Variants in DLGAP4 observed in about 807,000 individuals in gnomAD.
DLGAP4 encodes disks large-associated protein 4.
DLGAP4 carries 18 observed loss-of-function variants against 86.9 expected under a neutral mutation model. That is an observed-to-expected ratio of 0.21 (90% CI 0.14 to 0.31). The LOEUF is 0.31. DLGAP4 is among the 10% of genes least tolerant of loss of function. The pLI is 1.00. For missense variants in DLGAP4, 1,085 were observed against 1,362.6 expected (o/e 0.80, Z 3.21); for synonymous variants, 548 against 574.3 (o/e 0.95, Z 0.65).
At chr20:36,412,298 G>A (rs925718395) in intron 2 of DLGAP4, among the ~76,000 whole-genome samples, 1 of 152,250 alleles carries the variant, frequency 6.6e-6, no homozygotes, top group African/African-American at 2.4e-5. Flanking sequence ...AGGCTAGAGG[G>A]CAGGGCAGCA....
intron 7 of DLGAP4, chr20:36,461,500 G>A: frequency 1.0e-6 from 1 of 982,542 alleles, no homozygotes; most frequent in Non-Finnish European, 1.2e-6. Flanking sequence ...CGGGCTGCGT[G>A]AGGGAGGAGG....
At chr20:36,420,221 T>C (rs929939644) in intron 2 of DLGAP4, among the ~76,000 whole-genome samples, 2 of 152,226 alleles carry the variant, frequency 1.3e-5, no homozygotes, top group Non-Finnish European at 1.5e-5. Context: ...AGCCCCGTGC[T>C]GGATGCTGGA....
At chr20:36,332,146 C>T (rs1414664619) in intron 1 of DLGAP4, among the ~76,000 whole-genome samples, 1 of 151,996 alleles carries the variant, frequency 6.6e-6, no homozygotes, top group Non-Finnish European at 1.5e-5. Flanking sequence ...AAGGGATGCC[C>T]AGGAGAAGGC....
chr20:36,510,570 C>G (rs1275637737), intron 10 of DLGAP4, among the ~76,000 whole-genome samples: 1 of 150,866 alleles, frequency 6.6e-6, no homozygotes, highest in Admixed American at 6.6e-5. Context: ...TGGCTGACTC[C>G]TGGCTAATTT....
chr20:36,363,166 G>T (rs1197309740), intron 1 of DLGAP4, among the ~76,000 whole-genome samples: 2 of 152,170 alleles, frequency 1.3e-5, no homozygotes, highest in Non-Finnish European at 2.9e-5. Flanking sequence ...ACGTGCAAAG[G>T]CCCTGAGCTA....
intron 10 of DLGAP4, among the ~76,000 whole-genome samples, chr20:36,512,107 G>A (rs1211628065): frequency 1.4e-5 from 2 of 142,224 alleles, no homozygotes; most frequent in Non-Finnish European, 3.0e-5. Context: ...CTAGAGTGCA[G>A]TGGCGTGATC....
chr20:36,437,542 T>G, intron 4 of DLGAP4, among the ~76,000 whole-genome samples: 1 of 152,086 alleles, frequency 6.6e-6, no homozygotes, highest in East Asian at 1.9e-4. Context: ...GGGAGGTGAA[T>G]CCAGAAGCCA....
At chr20:36,376,734 G>A (rs566947924) in intron 2 of DLGAP4, among the ~76,000 whole-genome samples, 3 of 152,276 alleles carry the variant, frequency 2.0e-5, no homozygotes, top group Non-Finnish European at 2.9e-5. Context: ...CAGGGACCTC[G>A]TCAGCTTCGT....
chr20:36,363,365 T>G (rs2030583214), intron 1 of DLGAP4, among the ~76,000 whole-genome samples: 1 of 152,204 alleles, frequency 6.6e-6, no homozygotes, highest in Admixed American at 6.5e-5. Flanking sequence ...ATAGCAGCTT[T>G]ATACTCCTTG....
intron 7 of DLGAP4, among the ~76,000 whole-genome samples, chr20:36,449,588 G>A (rs891109891): frequency 6.6e-6 from 1 of 152,180 alleles, no homozygotes; most frequent in Non-Finnish European, 1.5e-5. Context: ...CTCTGCTACA[G>A]TTCCAAAGGG....
At chr20:36,510,423 C>G (rs978525456) in intron 10 of DLGAP4, among the ~76,000 whole-genome samples, 3 of 152,076 alleles carry the variant, frequency 2.0e-5, no homozygotes, top group African/African-American at 7.2e-5. Flanking sequence ...GCAACCACAC[C>G]TGGCTAATTT....
At chr20:36,461,576 G>C in intron 7 of DLGAP4, 1 of 960,630 alleles carries the variant, frequency 1.0e-6, no homozygotes, top group Non-Finnish European at 1.2e-6. Flanking sequence ...CCACGTCGTC[G>C]CTGCCGCCTC....
intron 7 of DLGAP4, among the ~76,000 whole-genome samples, chr20:36,468,521 C>T (rs756523472): frequency 5.9e-5 from 9 of 152,218 alleles, no homozygotes; most frequent in Admixed American, 6.5e-5. Flanking sequence ...CCGAGGCCTC[C>T]CAGCCAATCA....
chr20:36,526,824 A>G lies in DLGAP4; in HGVS notation c.2772A>G (p.Lys924=), dbSNP rs771640274. 6.2e-7 allele frequency: 1 copy of G among 1,601,744 alleles called. No homozygotes were observed. ...CTGTCTCACTAAAGGAAGAGAAGAAACCACCCCCTCCGGTCCCAAAGAAGC... is the reference window on the plus strand; with the variant it reads ...CTGTCTCACTAAAGGAAGAGAAGAAGCCACCCCCTCCGGTCCCAAAGAAGC... The part of the protein sequence containing the change: ...ETPEKRKEEK[K]PPPPVPKKPA... The change falls in exon 13 of 13, where the codon AAA becomes AAG. Residue 924 remains lysine (K), a synonymous_variant. Transcript: ENST00000339266.
At chr20:36,312,256 C>T (rs1267465855) in intron 1 of DLGAP4, among the ~76,000 whole-genome samples, 2 of 152,198 alleles carry the variant, frequency 1.3e-5, no homozygotes, top group Non-Finnish European at 2.9e-5. Flanking sequence ...GTGACCATGA[C>T]CGGCAGTCCA....
At chr20:36,458,558 G>A (rs973147882) in intron 7 of DLGAP4, among the ~76,000 whole-genome samples, 2 of 151,736 alleles carry the variant, frequency 1.3e-5, no homozygotes, top group South Asian at 4.2e-4. Flanking sequence ...ACAAAGCCAG[G>A]TGTGATGGCA....
At chr20:36,525,111 G>A (rs373183109) in intron 11 of DLGAP4, among the ~76,000 whole-genome samples, 6 of 148,948 alleles carry the variant, frequency 4.0e-5, no homozygotes, top group East Asian at 2.0e-4. Flanking sequence ...CCAGCTACTC[G>A]GGAGGCTGAG....
chr20:36,376,227 C>T lies in DLGAP4; in HGVS notation c.-73+8952C>T, dbSNP rs191285587. On this transcript the variant is annotated intron_variant, in intron 2 of 12. Transcript: ENST00000339266. ...GTGTGGTGGCTCATGCCTGTAATCC[C>T]GGCACTTTGGGAGGCCAAGGCAGGT... Among the ~76,000 whole-genome samples the T allele has an allele frequency of 8.7e-4, 132 of 151,590 alleles. 1 individual carries two copies. The highest frequency in any genetic ancestry group is 8.6e-3 in the Admixed American group (131 of 15,238).
chr20:36,369,499 A>AG (rs937641367), intron 2 of DLGAP4, among the ~76,000 whole-genome samples: 24 of 152,310 alleles, frequency 1.6e-4, no homozygotes, highest in African/African-American at 5.8e-4. Context: ...AGGCTGAGAC[A>AG]GGGGAATTGC....
Sources: allele counts gnomAD v4.1 joint callset (sites outside exome capture counted in the v4.1 genomes callset), GRCh38; gene constraint gnomAD v4.1.1; transcripts MANE v1.5; gene names NCBI Gene and HGNC (gene_info 2026-07-23, HGNC 2026-07-21).